The following MYO1E variants were observed in gnomAD, a reference collection of about 807,000 sequenced individuals.
The protein encoded by MYO1E is myosin IE, also known as unconventional myosin-Ie.
Under a neutral mutation model 151.1 loss-of-function variants are expected in MYO1E, and 68 were observed. That is an observed-to-expected ratio of 0.45 (90% CI 0.37 to 0.55). MYO1E has a LOEUF of 0.55. MYO1E is among the 20% of genes least tolerant of loss of function. The probability of loss-of-function intolerance (pLI) is 0.00; values close to 1 mark genes in which losing one functional copy is unlikely to be tolerated. For synonymous variants in MYO1E, 601 were observed against 501.7 expected (o/e 1.20, Z -2.64); for missense variants, 1,363 against 1,389.3 (o/e 0.98, Z 0.30).
At chr15:59,203,244 C>T (rs1379837714) in intron 15 of MYO1E, among the ~76,000 whole-genome samples, 1 of 152,188 alleles carries the variant, frequency 6.6e-6, no homozygotes, top group Non-Finnish European at 1.5e-5. Context: ...TTAGCAGCAT[C>T]CATGGTCTCT....
chr15:59,161,163 ACTGCACTTGCCGGGAGCCCC>A lies in MYO1E; in HGVS notation c.2675_2694del (p.Gly892ValfsTer15). On this transcript the variant is annotated frameshift_variant, in exon 24 of 28. Coordinates refer to ENST00000288235, the MANE Select transcript of MYO1E (RefSeq NM_004998.4). LOFTEE classifies it high-confidence loss of function. ...GCCAGGTCCCCAAACCCTTGGTGGA[ACTGCACTTGCCGGGAGCCCC>A]CTGCACTCCAGGGGCCCCAGTTTTC... 1 of 1,614,100 alleles carries A rather than the reference ACTGCACTTGCCGGGAGCCCC, an allele frequency of 6.2e-7. No homozygotes were observed. The highest frequency in any genetic ancestry group is 8.5e-7 in the Non-Finnish European group (1 of 1,180,024).
In MYO1E at chr15:59,360,218, G is replaced by A. The variant is rs753461738; in HGVS notation, c.3+12280C>T. 4.6e-5 allele frequency among the ~76,000 whole-genome samples: 7 copies of A among 152,230 alleles called. No homozygotes were observed. The East Asian group carries it at 5.8e-4, about 13-fold the overall frequency. On this transcript the variant is annotated intron_variant, in intron 1 of 27. Coordinates refer to ENST00000288235, the MANE Select transcript of MYO1E (RefSeq NM_004998.4). Reference sequence around the variant, plus strand: ...CACGTCCTGTACAAGTCCTGGGCACGAAGCTAAACTAATCCTACTCGATTC... The same window carrying A: ...CACGTCCTGTACAAGTCCTGGGCACAAAGCTAAACTAATCCTACTCGATTC...
At chr15:59,188,706 T>C (rs1026161278) in intron 17 of MYO1E, among the ~76,000 whole-genome samples, 4 of 151,480 alleles carry the variant, frequency 2.6e-5, no homozygotes, top group Non-Finnish European at 4.4e-5. Flanking sequence ...AGAAATAAAA[T>C]AAATATAAAT....
chr15:59,139,155 C>T (rs1286617596), intron 26 of MYO1E, among the ~76,000 whole-genome samples: 1 of 151,996 alleles, frequency 6.6e-6, no homozygotes, highest in African/African-American at 2.4e-5. Context: ...CTACTCCCAT[C>T]CCATCTATCC....
intron 7 of MYO1E, among the ~76,000 whole-genome samples, chr15:59,225,786 A>G (rs1300124955): frequency 6.6e-6 from 1 of 151,728 alleles, no homozygotes; most frequent in African/African-American, 2.4e-5. Context: ...AGCTGGGACT[A>G]CAGGCGCCCA....
intron 9 of MYO1E, among the ~76,000 whole-genome samples, chr15:59,221,301 T>C (rs2079954670): frequency 6.6e-6 from 1 of 151,866 alleles, no homozygotes; most frequent in Admixed American, 6.6e-5. Flanking sequence ...TGAGCCACCA[T>C]GCCTGGCCTA....
chr15:59,256,227 A>G, intron 4 of MYO1E, 57 bp downstream of exon 4: 3 of 1,385,920 alleles, frequency 2.2e-6, no homozygotes, highest in East Asian at 2.3e-5. Context: ...ACCGAAATCC[A>G]TAACCACAGC....
chr15:59,164,023 A>C (rs2079551601), intron 22 of MYO1E, among the ~76,000 whole-genome samples: 1 of 152,224 alleles, frequency 6.6e-6, no homozygotes, highest in Admixed American at 6.5e-5. Context: ...ATTGTGGAGA[A>C]ATTTATGCCT....
At chr15:59,333,302 C>A (rs186437007) in intron 1 of MYO1E, among the ~76,000 whole-genome samples, 9 of 152,126 alleles carry the variant, frequency 5.9e-5, no homozygotes, top group Admixed American at 5.9e-4. Flanking sequence ...TGCAGTGGTG[C>A]AATCTTGGCT....
rs1416321942 is a variant in MYO1E, at chr15:59,227,462, G to A, written c.639C>T (p.Tyr213=). The A allele has an allele frequency of 6.2e-7, 1 of 1,614,094 alleles. No individual in the cohort carries two copies. Among genetic ancestry groups the A allele is most frequent in the Non-Finnish European group, 8.5e-7 (1 of 1,179,992 alleles). The part of the protein sequence containing the change: ...NPGERSFHIF[Y]QLIEGASAEQ... The stretch of plus-strand genomic sequence containing the variant: ...GGAAAAAAGTAAACAGGAAAACCTG[G>A]TAAAATATGTGAAAACTCCGCTCTC... Residue 213 remains tyrosine, a synonymous_variant, in exon 7 of 28, where the codon TAC becomes TAT. Coordinates refer to ENST00000288235, the MANE Select transcript of MYO1E (RefSeq NM_004998.4).
At chr15:59,138,870 T>A (rs2079390133) in intron 26 of MYO1E, among the ~76,000 whole-genome samples, 1 of 152,124 alleles carries the variant, frequency 6.6e-6, no homozygotes, top group African/African-American at 2.4e-5. Context: ...AGCCAATATT[T>A]GTGGTCCGAC....
intron 1 of MYO1E, among the ~76,000 whole-genome samples, chr15:59,361,394 C>T (rs2080884620): frequency 6.6e-6 from 1 of 152,130 alleles, no homozygotes; most frequent in Non-Finnish European, 1.5e-5. Context: ...AGACATATCC[C>T]CTAATGGCTC....
At chr15:59,337,112 T>C (rs1426830402) in intron 1 of MYO1E, among the ~76,000 whole-genome samples, 1 of 152,202 alleles carries the variant, frequency 6.6e-6, no homozygotes, top group African/African-American at 2.4e-5. Context: ...TACAAAGCAC[T>C]TCTACTTTAT....
In MYO1E at chr15:59,173,762, T is replaced by C; in HGVS notation, c.2318A>G (p.Tyr773Cys). ...KIDFADTVTKYDRRFKGVKRD... is the reference protein window; with the variant it reads ...KIDFADTVTKCDRRFKGVKRD... ...AGCACGTACCTTGAACCTCCTGTCA[T>C]ACTTGGTGACTGTGTCTGCGAAATC... Residue 773 changes from tyrosine to cysteine, a missense_variant, in exon 21 of 28, where the codon TAT (tyrosine) becomes TGT (cysteine). By Grantham distance (194) the Tyr-to-Cys change is radical. Coordinates refer to ENST00000288235, the MANE Select transcript of MYO1E (RefSeq NM_004998.4). The C allele has an allele frequency of 6.2e-7, 1 of 1,614,186 alleles. No individual in the cohort carries two copies. Among genetic ancestry groups the C allele is most frequent in the Non-Finnish European group, 8.5e-7 (1 of 1,180,020 alleles).
intron 1 of MYO1E, among the ~76,000 whole-genome samples, chr15:59,318,562 A>G (rs542259628): frequency 2.0e-5 from 3 of 152,222 alleles, no homozygotes; most frequent in Non-Finnish European, 4.4e-5. Context: ...TTTCAAAATT[A>G]TTAGTCTAGA....
intron 4 of MYO1E, among the ~76,000 whole-genome samples, chr15:59,248,235 G>A (rs2080142481): frequency 6.7e-6 from 1 of 150,298 alleles, no homozygotes; most frequent in South Asian, 2.1e-4. Context: ...TGTAATCCTA[G>A]CATTTTGGGC....
intron 21 of MYO1E, 120 bp from the exon 22 acceptor site, chr15:59,172,162 GC>G (rs2140316281): frequency 8.9e-7 from 1 of 1,127,228 alleles, no homozygotes; most frequent in South Asian, 1.3e-5. Flanking sequence ...TTCGAGACCA[GC>G]CTGACCAACA....
At position 59,372,536 on chromosome 15, in the gene MYO1E, C is replaced by T. The variant is rs905849218; in HGVS notation, c.-36G>A. ...GCCGCGGTCGCGTCTTCGCCGGGTCCCGCTGCCGGGGAACTGGGGCTGGAA... is the reference window on the plus strand; with the variant it reads ...GCCGCGGTCGCGTCTTCGCCGGGTCTCGCTGCCGGGGAACTGGGGCTGGAA... On this transcript the variant is annotated 5_prime_UTR_variant, in exon 1 of 28. Transcript: ENST00000288235. 1 of 1,535,228 alleles carries T rather than the reference C, an allele frequency of 6.5e-7. No individual in the cohort carries two copies. The highest frequency in any genetic ancestry group is 8.8e-7 in the Non-Finnish European group (1 of 1,140,550).
At chr15:59,329,704 C>T (rs2080687080) in intron 1 of MYO1E, among the ~76,000 whole-genome samples, 1 of 152,146 alleles carries the variant, frequency 6.6e-6, no homozygotes. Context: ...TCCTGAATAA[C>T]CACCACTTTT....
Sources: gnomAD v4.1 joint callset for allele counts (sites outside exome capture counted in the v4.1 genomes callset) on GRCh38, gnomAD v4.1.1 for gene constraint, MANE v1.5 for transcripts, NCBI Gene and HGNC (gene_info 2026-07-23, HGNC 2026-07-21) for gene names.